ROBO1: variants seen among roughly 807,000 people sequenced by gnomAD.
ROBO1 encodes the protein roundabout guidance receptor 1.
In ROBO1, 149 loss-of-function variants were observed where a neutral mutation model predicts 195.9. That is an observed-to-expected ratio of 0.76 (90% CI 0.67 to 0.87). The LOEUF (loss-of-function observed/expected upper bound fraction) is 0.87. Among genes scored for constraint, ROBO1 ranks in the 40% least tolerant of loss-of-function variants. The pLI is 0.00. For synonymous variants in ROBO1, 816 were observed against 733.2 expected (o/e 1.11, Z -1.82); for missense variants, 1,933 against 2,068.3 (o/e 0.93, Z 1.27).
chr3:78,645,193 T>C (rs1706200399), intron 21 of ROBO1, among the ~76,000 whole-genome samples: 1 of 152,152 alleles, frequency 6.6e-6, no homozygotes, highest in Admixed American at 6.6e-5. Context: ...TTGTACAGCA[T>C]TGGCTAAAGG....
rs546071565 is a variant in ROBO1 at position 79,597,874 on chromosome 3, A to G, written c.-50-7913T>C. Among the ~76,000 whole-genome samples the G allele has an allele frequency of 1.8e-4, 28 of 152,200 alleles. No homozygotes were observed. In the East Asian group the frequency reaches 5.4e-3, roughly 29 times the overall value. ...AGAGTTTAGCAGGAGTTGCAGAAGT[A>G]AGGAAATTGGCAAGATTCTCTAATT... is the stretch of plus-strand genomic sequence containing the variant. On this transcript the variant is annotated intron_variant, in intron 1 of 30. Transcript: ENST00000464233.
chr3:78,821,972 G>T (rs1257163762), intron 4 of ROBO1, among the ~76,000 whole-genome samples: 1 of 151,828 alleles, frequency 6.6e-6, no homozygotes, highest in Non-Finnish European at 1.5e-5. Flanking sequence ...GTAGACAACG[G>T]GCCAATGCCA....
At chr3:79,376,174 T>C (rs1238996303) in intron 2 of ROBO1, among the ~76,000 whole-genome samples, 2 of 152,308 alleles carry the variant, frequency 1.3e-5, no homozygotes, top group East Asian at 1.9e-4. Context: ...ATTCAACCCA[T>C]TGGAAATCAT....
At chr3:79,518,199 T>G (rs1357097360) in intron 2 of ROBO1, among the ~76,000 whole-genome samples, 1 of 152,192 alleles carries the variant, frequency 6.6e-6, no homozygotes, top group Non-Finnish European at 1.5e-5. Context: ...TTCCTATAAG[T>G]GTATTTAGTT....
chr3:78,962,531 A>C (rs548604467), intron 3 of ROBO1, among the ~76,000 whole-genome samples: 1 of 152,056 alleles, frequency 6.6e-6, no homozygotes, highest in Admixed American at 6.5e-5. Flanking sequence ...TTGTCATTTT[A>C]AAACTTCTTT....
chr3:78,727,629 A>C (rs1305817730), intron 5 of ROBO1, among the ~76,000 whole-genome samples: 1 of 152,232 alleles, frequency 6.6e-6, no homozygotes, highest in Non-Finnish European at 1.5e-5. Flanking sequence ...CGTCTCAGAA[A>C]AAAACTACAT....
chr3:79,462,610 G>C (rs1465381496), intron 2 of ROBO1, among the ~76,000 whole-genome samples: 1 of 152,148 alleles, frequency 6.6e-6, no homozygotes, highest in Non-Finnish European at 1.5e-5. Context: ...CTTTTGGAAA[G>C]AAAATAAAGT....
chr3:79,338,716 A>AC (rs1447968171), intron 2 of ROBO1, among the ~76,000 whole-genome samples: 8 of 152,012 alleles, frequency 5.3e-5, no homozygotes, highest in Non-Finnish European at 1.0e-4. Flanking sequence ...CTAAAAAAAA[A>AC]CCTTCGGATC....
At chr3:79,187,596 T>C (rs2081463803) in intron 2 of ROBO1, among the ~76,000 whole-genome samples, 1 of 151,968 alleles carries the variant, frequency 6.6e-6, no homozygotes, top group Admixed American at 6.6e-5. Context: ...GACAGAACTC[T>C]TTTGAACGAA....
At chr3:79,642,156 C>A (rs1054680382) in intron 1 of ROBO1, among the ~76,000 whole-genome samples, 4 of 152,018 alleles carry the variant, frequency 2.6e-5, no homozygotes, top group Admixed American at 6.6e-5. Context: ...TAGAGGCTTA[C>A]AACAGCAGAA....
At chr3:79,214,057 C>T (rs943658039) in intron 2 of ROBO1, among the ~76,000 whole-genome samples, 1 of 151,898 alleles carries the variant, frequency 6.6e-6, no homozygotes, top group African/African-American at 2.4e-5. Flanking sequence ...AATTCCTGAC[C>T]TCAAGTGATC....
chr3:78,670,051 C>A, intron 11 of ROBO1, 45 bp downstream of exon 11: 1 of 1,488,738 alleles, frequency 6.7e-7, no homozygotes, highest in Non-Finnish European at 9.1e-7. Flanking sequence ...GAGGCAGAAA[C>A]AAAGTGAAAC....
intron 3 of ROBO1, among the ~76,000 whole-genome samples, chr3:79,087,498 CTTCT>C (rs1281610766): frequency 6.6e-6 from 1 of 151,774 alleles, no homozygotes. Context: ...TCTTTTCCAG[CTTCT>C]TTCTCTTCCT....
chr3:79,137,991 T>C (rs1004776313), intron 2 of ROBO1, among the ~76,000 whole-genome samples: 10 of 152,016 alleles, frequency 6.6e-5, no homozygotes, highest in African/African-American at 2.2e-4. Flanking sequence ...AATAAAGTAT[T>C]TAATAAGGTA....
intron 3 of ROBO1, among the ~76,000 whole-genome samples, chr3:79,071,715 CATGCACAT>C (rs1455290058): frequency 3.2e-5 from 2 of 62,156 alleles, no homozygotes; most frequent in East Asian, 6.5e-4. Flanking sequence ...CACACACACA[CATGCACAT>C]GCACACACAC....
intron 26 of ROBO1, among the ~76,000 whole-genome samples, chr3:78,626,574 T>G (rs1212102136): frequency 6.6e-6 from 1 of 152,042 alleles, no homozygotes; most frequent in African/African-American, 2.4e-5. Context: ...ATATAATGTG[T>G]CAAGGGCAAA....
chr3:78,727,608 G>A (rs1016874296), intron 5 of ROBO1, among the ~76,000 whole-genome samples: 1 of 152,202 alleles, frequency 6.6e-6, no homozygotes, highest in Non-Finnish European at 1.5e-5. Flanking sequence ...CTGGGCGACA[G>A]AGCGAGACTC....
chr3:78,652,794 C>T (rs1427004315), intron 18 of ROBO1, among the ~76,000 whole-genome samples: 1 of 151,764 alleles, frequency 6.6e-6, no homozygotes, highest in African/African-American at 2.4e-5. Context: ...ATAAAATTAA[C>T]TTAGTTTACA....
chr3:78,713,977 G>T (rs908709286), intron 8 of ROBO1, among the ~76,000 whole-genome samples: 1 of 152,252 alleles, frequency 6.6e-6, no homozygotes, highest in East Asian at 1.9e-4. Flanking sequence ...AATTGTACAG[G>T]CCCCTGAAAG....
Sources: gnomAD v4.1 joint callset for allele counts (sites outside exome capture counted in the v4.1 genomes callset) on GRCh38, gnomAD v4.1.1 for gene constraint, MANE v1.5 for transcripts, NCBI Gene and HGNC (gene_info 2026-07-23, HGNC 2026-07-21) for gene names.